Variants in KIAA1958 observed in about 807,000 individuals in gnomAD.
KIAA1958 encodes the protein KIAA1958, also known as uncharacterized protein KIAA1958.
KIAA1958 carries 14 observed loss-of-function variants against 47.2 expected under a neutral mutation model. That is an observed-to-expected ratio of 0.30 (90% CI 0.20 to 0.46). The LOEUF is 0.46. KIAA1958 is among the 20% of genes least tolerant of loss of function. The pLI is 1.00. For missense variants in KIAA1958, 803 were observed against 909.2 expected, an observed-to-expected ratio of 0.88 and a Z score of 1.50; for synonymous variants, 354 against 353.3, an observed-to-expected ratio of 1.00 and a Z score of -0.02.
chr9:112,613,827 T>C (rs1053393429), intron 2 of KIAA1958, among the ~76,000 whole-genome samples: 2 of 152,168 alleles, frequency 1.3e-5, no homozygotes, highest in Non-Finnish European at 2.9e-5. Context: ...GGAAAGTAAA[T>C]TGATATGACC....
At chr9:112,563,081 C>CTATA (rs1357997391) in intron 1 of KIAA1958, among the ~76,000 whole-genome samples, 2,021 of 78,612 alleles carry the variant, frequency 0.026, 50 homozygotes, top group African/African-American at 0.11. Context: ...CTCTCTCTCT[C>CTATA]TCTCTATATA....
intron 3 of KIAA1958, among the ~76,000 whole-genome samples, chr9:112,657,858 C>A (rs1837180197): frequency 6.6e-6 from 1 of 151,430 alleles, no homozygotes. Flanking sequence ...CCTTTTTCTT[C>A]CTTTTTTTTT....
intron 2 of KIAA1958, among the ~76,000 whole-genome samples, chr9:112,607,086 G>A (rs1281472131): frequency 6.6e-6 from 1 of 152,222 alleles, no homozygotes; most frequent in Non-Finnish European, 1.5e-5. Context: ...GCCAGGGGCT[G>A]TGGTTCATGC....
At position 112,664,356 on chromosome 9, in the gene KIAA1958, T is replaced by C. The variant is rs1837323646; in HGVS notation, c.*4287T>C. ...AAATAAAGTAACCGAATGCTAAATA[T>C]TATCCTTATCAAACATCCATCACTT... On this transcript the variant is annotated 3_prime_UTR_variant, in exon 4 of 4. Transcript: ENST00000337530. The C allele has an allele frequency of 6.6e-6, 1 of 152,262 alleles. No homozygotes were observed. Among genetic ancestry groups the C allele is most frequent in the Non-Finnish European group, 1.5e-5 (1 of 68,052 alleles). 9.4% of individuals were successfully genotyped at this position (152,262 alleles called of 1,614,324 possible).
chr9:112,623,680 A>G (rs1462187571), intron 2 of KIAA1958, among the ~76,000 whole-genome samples: 2 of 152,198 alleles, frequency 1.3e-5, no homozygotes, highest in Admixed American at 1.3e-4. Context: ...CACTCTAAAA[A>G]ACACCTAACT....
intron 1 of KIAA1958, among the ~76,000 whole-genome samples, chr9:112,560,444 C>T (rs1835308192): frequency 6.6e-6 from 1 of 152,016 alleles, no homozygotes; most frequent in African/African-American, 2.4e-5. Context: ...ACAGCATTGG[C>T]CTCCCAAAGT....
At chr9:112,654,630 C>T (rs1169832360) in intron 3 of KIAA1958, among the ~76,000 whole-genome samples, 3 of 149,420 alleles carry the variant, frequency 2.0e-5, no homozygotes, top group Non-Finnish European at 4.4e-5. Flanking sequence ...AAAGGAGTCT[C>T]GACTACTATA....
At chr9:112,514,810 G>A (rs1451969219) in intron 1 of KIAA1958, among the ~76,000 whole-genome samples, 34 of 49,118 alleles carry the variant, frequency 6.9e-4, no homozygotes, top group African/African-American at 1.5e-3. Flanking sequence ...AGGTGGGGGG[G>A]TCAGCCCCCC....
chr9:112,642,555 C>T (rs1449845505), intron 2 of KIAA1958, among the ~76,000 whole-genome samples: 2 of 152,204 alleles, frequency 1.3e-5, no homozygotes, highest in African/African-American at 4.8e-5. Flanking sequence ...GATGTAAGGG[C>T]ATCCGCAGCC....
intron 3 of KIAA1958, among the ~76,000 whole-genome samples, chr9:112,658,190 A>G (rs1294460864): frequency 1.3e-5 from 2 of 152,230 alleles, no homozygotes; most frequent in African/African-American, 2.4e-5. Flanking sequence ...ACTGATATTG[A>G]AAACCTGTGG....
chr9:112,591,470 A>G (rs989551507), intron 2 of KIAA1958, among the ~76,000 whole-genome samples: 1 of 152,192 alleles, frequency 6.6e-6, no homozygotes, highest in Non-Finnish European at 1.5e-5. Context: ...TTTTGCTATT[A>G]TATATTTAAA....
At chr9:112,554,929 A>G (rs1053573629) in intron 1 of KIAA1958, among the ~76,000 whole-genome samples, 1 of 152,230 alleles carries the variant, frequency 6.6e-6, no homozygotes, top group Non-Finnish European at 1.5e-5. Flanking sequence ...CAACTAAGAA[A>G]AAAGAGTTAA....
Position 112,660,211 on chromosome 9 carries a change from T to A in KIAA1958, c.*142T>A. The A allele has an allele frequency of 1.5e-6, 1 of 648,858 alleles. No individual in the cohort carries two copies. The highest frequency in any genetic ancestry group is 2.7e-6 in the Non-Finnish European group (1 of 375,842). The allele number at this position is 648,858 out of a possible 1,614,324, so 40.2% of individuals were successfully genotyped here. On this transcript the variant is annotated 3_prime_UTR_variant, in exon 4 of 4. Coordinates refer to ENST00000337530, the MANE Select transcript of KIAA1958 (RefSeq NM_133465.4). Reference sequence around the variant, plus strand: ...CTCCCCTGGTGTGGCCTGCCCTCCCTTTGACTTGGGGTTTGCTTTTTAAAA... The same window carrying A: ...CTCCCCTGGTGTGGCCTGCCCTCCCATTGACTTGGGGTTTGCTTTTTAAAA...
intron 2 of KIAA1958, among the ~76,000 whole-genome samples, chr9:112,636,843 A>G (rs1391508889): frequency 6.6e-6 from 1 of 152,032 alleles, no homozygotes; most frequent in East Asian, 1.9e-4. Context: ...TTTATCTTTT[A>G]ATTGGAATAT....
intron 1 of KIAA1958, among the ~76,000 whole-genome samples, chr9:112,529,988 C>T (rs762686341): frequency 3.3e-5 from 5 of 152,220 alleles, no homozygotes; most frequent in South Asian, 2.1e-4. Flanking sequence ...GGACTATAGG[C>T]GCCCGCCACC....
intron 3 of KIAA1958, among the ~76,000 whole-genome samples, chr9:112,646,874 T>C (rs1469187584): frequency 6.6e-6 from 1 of 152,244 alleles, no homozygotes; most frequent in Non-Finnish European, 1.5e-5. Flanking sequence ...TTTGACTGCA[T>C]TGAGTCTAAA....
At chr9:112,569,623 CTT>C (rs111366992) in intron 1 of KIAA1958, among the ~76,000 whole-genome samples, 1,951 of 136,760 alleles carry the variant, frequency 0.014, 18 homozygotes, top group African/African-American at 0.026. Flanking sequence ...TTTTAGAATT[CTT>C]TTTTTTTTTT....
In KIAA1958 at chr9:112,563,085, C is replaced by CTCTATATATATA. The variant is rs10655286; in HGVS notation, c.-24-10971_-24-10970insCTATATATATAT. Among the ~76,000 whole-genome samples, 13 of 131,560 alleles carry CTCTATATATATA rather than the reference C, an allele frequency of 9.9e-5. No homozygotes were observed. In the East Asian group the frequency reaches 1.9e-3, roughly 20 times the overall value. The allele number at this position is 131,560 out of a possible 152,430, so 86.3% of individuals were successfully genotyped here. A position where few individuals can be genotyped will look rare whatever the true frequency, so the allele number is the denominator to read the frequency against. ...TCTCTGTCTCTCTCTCTCTCTCTCTCTATATATATATATAAATTTTTTTTA... is the reference window on the plus strand; with the variant it reads ...TCTCTGTCTCTCTCTCTCTCTCTCTCTCTATATATATATATATATATATATAAATTTTTTTTA... On this transcript the variant is annotated intron_variant, in intron 1 of 3. Coordinates refer to ENST00000337530, the MANE Select transcript of KIAA1958 (RefSeq NM_133465.4).
At chr9:112,634,102 G>A (rs1484177957) in intron 2 of KIAA1958, among the ~76,000 whole-genome samples, 2 of 152,194 alleles carry the variant, frequency 1.3e-5, no homozygotes, top group Non-Finnish European at 2.9e-5. Flanking sequence ...CTTAGCAAGA[G>A]TGTTCCTGTT....
Sources: allele counts gnomAD v4.1 joint callset (sites outside exome capture counted in the v4.1 genomes callset), GRCh38; gene constraint gnomAD v4.1.1; transcripts MANE v1.5; gene names NCBI Gene and HGNC (gene_info 2026-07-23, HGNC 2026-07-21).